SGK1: variants seen among roughly 807,000 people sequenced by gnomAD.
SGK1 encodes the protein serine/threonine-protein kinase Sgk1.
Under a neutral mutation model 64.2 loss-of-function variants are expected in SGK1, and 26 were observed. The observed-to-expected ratio is 0.40, with a 90% CI of 0.30 to 0.56. SGK1 has a LOEUF of 0.56. Ranked by LOEUF, SGK1 falls within the 20% of genes least tolerant of loss-of-function variation. SGK1 has a pLI of 0.38. For missense variants in SGK1, 519 were observed against 645.6 expected (o/e 0.80, Z 2.12); for synonymous variants, 265 against 239.7 (o/e 1.11, Z -0.98).
chr6:134,294,002 C>T lies in SGK1; in HGVS notation c.69+23390G>A, dbSNP rs117664835. Among the ~76,000 whole-genome samples, 144 of 152,196 alleles carry T rather than the reference C, an allele frequency of 9.5e-4. 4 individuals are homozygous for T. The East Asian group carries it at 0.026, about 27-fold the overall frequency. On this transcript the variant is annotated intron_variant, in intron 1 of 13. Coordinates refer to ENST00000367858, the MANE Select transcript of SGK1 (RefSeq NM_001143676.3). ...ACACATGAGAAAAGGTTCACTTTTG[C>T]GCCCACTGACAATCAGATGAAGATT... is the stretch of plus-strand genomic sequence containing the variant.
chr6:134,172,760 G>C lies in SGK1; in HGVS notation c.849C>G (p.Leu283=). The C allele has an allele frequency of 1.2e-6, 2 of 1,612,528 alleles. No homozygotes were observed. The highest frequency in any genetic ancestry group is 1.7e-6 in the Non-Finnish European group (2 of 1,178,534). ...GTTCCAGGAAGCAGCGTTCCCTCTG[G>C]AGATGGTAGAACAACTGCAGGAGAC... ...YINGGELFYH[L]QRERCFLEPR... is the part of the protein sequence containing the mutation. Residue 283 remains leucine, a synonymous_variant, in exon 9 of 14, where the codon CTC becomes CTG. Coordinates refer to ENST00000367858, the MANE Select transcript of SGK1 (RefSeq NM_001143676.3).
At chr6:134,213,076 T>A (rs923574194) in intron 2 of SGK1, among the ~76,000 whole-genome samples, 12 of 152,192 alleles carry the variant, frequency 7.9e-5, no homozygotes, top group African/African-American at 2.9e-4. Flanking sequence ...AACCAAAGCA[T>A]CCGCGGCAAA....
intron 1 of SGK1, among the ~76,000 whole-genome samples, chr6:134,300,097 C>G (rs1271042148): frequency 6.6e-6 from 1 of 152,100 alleles, no homozygotes; most frequent in African/African-American, 2.4e-5. Flanking sequence ...TCTCTCAATG[C>G]CTTCTTCCCT....
At chr6:134,296,592 G>T (rs1777350692) in intron 1 of SGK1, among the ~76,000 whole-genome samples, 1 of 152,072 alleles carries the variant, frequency 6.6e-6, no homozygotes, top group Admixed American at 6.6e-5. Flanking sequence ...AAAGTGCTGA[G>T]ATTACAGGCG....
At chr6:134,215,017 T>G in intron 2 of SGK1, 2 of 449,942 alleles carry the variant, frequency 4.4e-6, no homozygotes, top group South Asian at 3.2e-5. Context: ...GGTTACAATT[T>G]AAACATCAGA....
chr6:134,179,347 C>G (rs1332991305), intron 3 of SGK1, among the ~76,000 whole-genome samples: 1 of 152,050 alleles, frequency 6.6e-6, no homozygotes, highest in Non-Finnish European at 1.5e-5. Flanking sequence ...GTTTGATGCT[C>G]ACAGAAACCT....
At chr6:134,287,684 T>G (rs1032436106) in intron 1 of SGK1, among the ~76,000 whole-genome samples, 6 of 152,070 alleles carry the variant, frequency 3.9e-5, no homozygotes, top group African/African-American at 1.4e-4. Context: ...AGTTGTAGAT[T>G]GGAAAATGTG....
At chr6:134,303,828 C>T (rs1484301859) in intron 1 of SGK1, among the ~76,000 whole-genome samples, 4 of 151,560 alleles carry the variant, frequency 2.6e-5, no homozygotes, top group East Asian at 3.9e-4. Context: ...GAAACTTTGA[C>T]ACAGTTTCTC....
intron 2 of SGK1, among the ~76,000 whole-genome samples, chr6:134,254,715 A>G (rs1306107210): frequency 6.6e-6 from 1 of 152,166 alleles, no homozygotes; most frequent in Admixed American, 6.5e-5. Flanking sequence ...ACCCACACAT[A>G]TATACTCACA....
chr6:134,239,323 C>A (rs1257051430), intron 2 of SGK1, among the ~76,000 whole-genome samples: 1 of 152,240 alleles, frequency 6.6e-6, no homozygotes, highest in African/African-American at 2.4e-5. Flanking sequence ...CCATTATGTG[C>A]ACAAAGTGCT....
At chr6:134,298,645 G>T in intron 1 of SGK1, 3 of 1,325,078 alleles carry the variant, frequency 2.3e-6, no homozygotes, top group Non-Finnish European at 2.1e-6. Flanking sequence ...CTGAAGGCCC[G>T]GGGGCCAGAG....
chr6:134,259,182 G>T (rs1053177426), intron 2 of SGK1, among the ~76,000 whole-genome samples: 24 of 152,164 alleles, frequency 1.6e-4, no homozygotes, highest in Non-Finnish European at 2.2e-4. Flanking sequence ...TTCCTTTTGT[G>T]TGGAATTTCA....
At chr6:134,294,651 C>T (rs1777317602) in intron 1 of SGK1, among the ~76,000 whole-genome samples, 1 of 152,168 alleles carries the variant, frequency 6.6e-6, no homozygotes, top group African/African-American at 2.4e-5. Context: ...TCTCCTGGCT[C>T]AGCCTCCTGA....
intron 2 of SGK1, 98 bp downstream of exon 2, chr6:134,261,835 A>G: frequency 2.3e-6 from 2 of 866,020 alleles, no homozygotes; most frequent in Non-Finnish European, 3.9e-6. Context: ...AATATGCATT[A>G]AAAAATTATT....
chr6:134,228,036 C>T (rs1387041415), intron 2 of SGK1, among the ~76,000 whole-genome samples: 1 of 145,744 alleles, frequency 6.9e-6, no homozygotes, highest in Non-Finnish European at 1.5e-5. Context: ...CTCACTGCAA[C>T]CTCCACCTCC....
At chr6:134,206,412 G>A (rs1247066147) in intron 3 of SGK1, among the ~76,000 whole-genome samples, 1 of 94,538 alleles carries the variant, frequency 1.1e-5, no homozygotes. Flanking sequence ...TTTTTTAAAT[G>A]ACAGGCAGGT....
intron 3 of SGK1, among the ~76,000 whole-genome samples, chr6:134,201,926 A>G (rs1014636076): frequency 6.6e-6 from 1 of 152,150 alleles, no homozygotes; most frequent in African/African-American, 2.4e-5. Context: ...CACGGGAGAA[A>G]CAATTGCGTC....
At chr6:134,262,191 C>T (rs765661310) in intron 1 of SGK1, 43 bp from the exon 2 acceptor site, 16 of 1,400,318 alleles carry the variant, frequency 1.1e-5, no homozygotes, top group Non-Finnish European at 1.4e-5. Context: ...GTGTTTGACT[C>T]CCTTTGATGT....
At chr6:134,212,573 C>G (rs1038924800) in intron 2 of SGK1, among the ~76,000 whole-genome samples, 9 of 152,100 alleles carry the variant, frequency 5.9e-5, no homozygotes, top group African/African-American at 2.2e-4. Context: ...AGTAAGTGAA[C>G]TAGTCCTCAG....
Sources: gnomAD v4.1 joint callset for allele counts (sites outside exome capture counted in the v4.1 genomes callset) on GRCh38, gnomAD v4.1.1 for gene constraint, MANE v1.5 for transcripts, NCBI Gene and HGNC (gene_info 2026-07-23, HGNC 2026-07-21) for gene names.